The following LOC128092253 variants were observed in gnomAD, a reference collection of about 807,000 sequenced individuals.
At chr6:133,963,499 AC>A in the LOC128092253 span, among the ~76,000 whole-genome samples, 5 of 152,114 alleles carry the variant, frequency 3.3e-5, no homozygotes, top group Admixed American at 6.5e-5. Context: ...ATCATAACTC[AC>A]TGCAGCCTTG....
the LOC128092253 span, among the ~76,000 whole-genome samples, chr6:133,966,772 A>C: frequency 6.6e-6 from 1 of 151,710 alleles, no homozygotes; most frequent in Non-Finnish European, 1.5e-5. Context: ...TGTTCACTCT[A>C]TCTCTTAAAA....
the LOC128092253 span, among the ~76,000 whole-genome samples, chr6:133,959,283 G>T: frequency 6.6e-6 from 1 of 152,086 alleles, no homozygotes; most frequent in Admixed American, 6.5e-5. Flanking sequence ...CAAGTGATCT[G>T]CCTGTCTCAG....
the LOC128092253 span, among the ~76,000 whole-genome samples, chr6:133,979,054 A>G: frequency 1.3e-4 from 20 of 152,322 alleles, no homozygotes; most frequent in African/African-American, 4.1e-4. Flanking sequence ...GTTTGTTTGT[A>G]TAAATCATAG....
At chr6:133,970,801 G>A in the LOC128092253 span, among the ~76,000 whole-genome samples, 14 of 151,952 alleles carry the variant, frequency 9.2e-5, no homozygotes, top group African/African-American at 3.4e-4. Context: ...GAGTCTATCT[G>A]TGTTGCCCAG....
At chr6:133,976,910 G>A in the LOC128092253 span, among the ~76,000 whole-genome samples, 4 of 151,076 alleles carry the variant, frequency 2.6e-5, no homozygotes, top group Non-Finnish European at 5.9e-5. Flanking sequence ...GGAGGTTGCC[G>A]TGAGCCAAGA....
chr6:133,974,502 T>G, the LOC128092253 span, among the ~76,000 whole-genome samples: 1 of 152,146 alleles, frequency 6.6e-6, no homozygotes, highest in African/African-American at 2.4e-5. Context: ...CCCGGCTGAT[T>G]TTTGTATTTT....
chr6:133,963,482 T>A, the LOC128092253 span, among the ~76,000 whole-genome samples: 1 of 152,166 alleles, frequency 6.6e-6, no homozygotes, highest in Non-Finnish European at 1.5e-5. Context: ...TGGAGTGCAG[T>A]GGTGTGATCA....
chr6:133,957,110 T>C, the LOC128092253 span, among the ~76,000 whole-genome samples: 1 of 152,150 alleles, frequency 6.6e-6, no homozygotes, highest in Non-Finnish European at 1.5e-5. Context: ...AATAGAGAAT[T>C]TGGTTTAAAT....
At chr6:133,954,085 C>G in the LOC128092253 span, among the ~76,000 whole-genome samples, 1 of 152,118 alleles carries the variant, frequency 6.6e-6, no homozygotes, top group Non-Finnish European at 1.5e-5. Context: ...AAAAGTAAAT[C>G]TAATAGGGCA....
chr6:133,954,871 G>C, the LOC128092253 span, among the ~76,000 whole-genome samples: 1 of 152,092 alleles, frequency 6.6e-6, no homozygotes, highest in African/African-American at 2.4e-5. Context: ...GGGCTGGCTT[G>C]TTCCTGAATG....
At chr6:133,967,696 G>A in the LOC128092253 span, among the ~76,000 whole-genome samples, 1 of 152,182 alleles carries the variant, frequency 6.6e-6, no homozygotes, top group African/African-American at 2.4e-5. Context: ...TAGGAAAGGT[G>A]TAGTAGAACT....
chr6:133,966,397 C>T, the LOC128092253 span, among the ~76,000 whole-genome samples: 1 of 152,136 alleles, frequency 6.6e-6, no homozygotes, highest in East Asian at 1.9e-4. Flanking sequence ...AATAGGGACA[C>T]TCTGGCTTAA....
the LOC128092253 span, among the ~76,000 whole-genome samples, chr6:133,967,129 A>G: frequency 6.6e-6 from 1 of 151,736 alleles, no homozygotes; most frequent in African/African-American, 2.4e-5. Flanking sequence ...AGCAGTTCCT[A>G]CTCTTAGCTG....
chr6:133,955,049 G>T, the LOC128092253 span, among the ~76,000 whole-genome samples: 1 of 152,046 alleles, frequency 6.6e-6, no homozygotes, highest in African/African-American at 2.4e-5. Flanking sequence ...ACATTAAGAA[G>T]AAAAAGATAG....
chr6:133,958,037 T>G, the LOC128092253 span, among the ~76,000 whole-genome samples: 1 of 152,202 alleles, frequency 6.6e-6, no homozygotes, highest in Admixed American at 6.5e-5. Context: ...GGGGAAGTAC[T>G]TTTTTTAAGT....
At chr6:133,973,254 G>T in the LOC128092253 span, among the ~76,000 whole-genome samples, 1 of 152,126 alleles carries the variant, frequency 6.6e-6, no homozygotes, top group African/African-American at 2.4e-5. Flanking sequence ...TTCCTATTGT[G>T]TTTGCAAATC....
chr6:133,954,325 C>CGT, the LOC128092253 span, among the ~76,000 whole-genome samples: 5 of 151,982 alleles, frequency 3.3e-5, no homozygotes, highest in Admixed American at 6.6e-5. Flanking sequence ...AGCAGGTTTG[C>CGT]GTGTGTGTGT....
At chr6:133,966,896 C>G in the LOC128092253 span, among the ~76,000 whole-genome samples, 1 of 152,198 alleles carries the variant, frequency 6.6e-6, no homozygotes, top group African/African-American at 2.4e-5. Flanking sequence ...TTCAGTCCAT[C>G]CTCCCATTGC....
At chr6:133,958,944 T>C in the LOC128092253 span, among the ~76,000 whole-genome samples, 1 of 152,334 alleles carries the variant, frequency 6.6e-6, no homozygotes, top group South Asian at 2.1e-4. Flanking sequence ...TGACTTTTGT[T>C]TTCCTGTTTA....
Sources: allele counts gnomAD v4.1 joint callset (sites outside exome capture counted in the v4.1 genomes callset), GRCh38; gene constraint gnomAD v4.1.1; transcripts MANE v1.5.